JPH2: variants seen among roughly 807,000 people sequenced by gnomAD.
The protein encoded by JPH2 is junctophilin-2.
In JPH2, 38 loss-of-function variants were observed where a neutral mutation model predicts 55.9. The observed-to-expected ratio is 0.68, with a 90% CI of 0.52 to 0.89. The LOEUF (loss-of-function observed/expected upper bound fraction) is 0.89. JPH2 is among the 40% of genes least tolerant of loss of function. The pLI is 0.00. For synonymous variants in JPH2, 480 were observed against 472.4 expected, an observed-to-expected ratio of 1.02 and a Z score of -0.21; for missense variants, 964 against 1,037.6, an observed-to-expected ratio of 0.93 and a Z score of 0.97.
chr20:44,127,223 G>T (rs889648049), intron 2 of JPH2, among the ~76,000 whole-genome samples: 1 of 152,076 alleles, frequency 6.6e-6, no homozygotes, highest in Non-Finnish European at 1.5e-5. Flanking sequence ...TGGACATTAG[G>T]GTGCTTTCCA....
chr20:44,112,393 G>A lies in JPH2; in HGVS notation c.*1125C>T. 6.6e-6 allele frequency: 1 copy of A among 152,298 alleles called. No individual in the cohort carries two copies. The highest frequency in any genetic ancestry group is 1.5e-5 in the Non-Finnish European group (1 of 68,058). 9.4% of individuals were successfully genotyped at this position (152,298 alleles called of 1,614,324 possible). On this transcript the variant is annotated 3_prime_UTR_variant, in exon 6 of 6. Coordinates refer to ENST00000372980, the MANE Select transcript of JPH2 (RefSeq NM_020433.5). ...TGTGGTACAAAACATCTTTAAGTGAGGTACATCCAAGTAGCCATCTTCTAC... is the reference window on the plus strand; with the variant it reads ...TGTGGTACAAAACATCTTTAAGTGAAGTACATCCAAGTAGCCATCTTCTAC...
intron 1 of JPH2, among the ~76,000 whole-genome samples, chr20:44,172,832 A>G (rs1394461310): frequency 6.6e-6 from 1 of 152,192 alleles, no homozygotes; most frequent in African/African-American, 2.4e-5. Flanking sequence ...TCTATTGCAA[A>G]TGTGCCACAC....
intron 2 of JPH2, among the ~76,000 whole-genome samples, chr20:44,134,864 A>ATT (rs1491527321): frequency 1.8e-4 from 20 of 110,382 alleles, no homozygotes; most frequent in African/African-American, 6.1e-4. Flanking sequence ...ATATATATAT[A>ATT]AATATATATA....
Position 44,138,219 on chromosome 20 carries a change from G to T in JPH2, c.1170-19596C>A, listed in dbSNP as rs955174849. Among the ~76,000 whole-genome samples, 23 of 152,076 alleles carry T rather than the reference G, an allele frequency of 1.5e-4. 1 individual carries two copies. In the East Asian group the frequency reaches 3.9e-3, roughly 26 times the overall value. On this transcript the variant is annotated intron_variant, in intron 2 of 5. Coordinates refer to ENST00000372980, the MANE Select transcript of JPH2 (RefSeq NM_020433.5). ...GACGGGGTTTCACCATGTTGGCCAG[G>T]CTGGTCTCGAACTCCTGACCTCGTG...
chr20:44,170,727 A>C (rs2072691110), intron 1 of JPH2, among the ~76,000 whole-genome samples: 1 of 152,232 alleles, frequency 6.6e-6, no homozygotes, highest in African/African-American at 2.4e-5. Flanking sequence ...AGCAAAGAAT[A>C]ATGGAAATCA....
At chr20:44,116,447 G>C in intron 3 of JPH2, 61 bp from the exon 4 acceptor site, 1 of 1,531,624 alleles carries the variant, frequency 6.5e-7, no homozygotes. Context: ...GTGATCCTGG[G>C]CCAGCCACTT....
intron 2 of JPH2, among the ~76,000 whole-genome samples, chr20:44,123,071 C>T (rs144933774): frequency 6.6e-6 from 1 of 152,294 alleles, no homozygotes; most frequent in African/African-American, 2.4e-5. Context: ...CTGGGGGACC[C>T]ACTGTGCACA....
At chr20:44,147,638 CTTT>C (rs1337952441) in intron 2 of JPH2, among the ~76,000 whole-genome samples, 1 of 152,176 alleles carries the variant, frequency 6.6e-6, no homozygotes, top group Non-Finnish European at 1.5e-5. Context: ...GGATTTATTA[CTTT>C]TTTATTTTGT....
chr20:44,175,252 G>A (rs1340150449), intron 1 of JPH2, among the ~76,000 whole-genome samples: 3 of 152,266 alleles, frequency 2.0e-5, no homozygotes, highest in South Asian at 4.1e-4. Flanking sequence ...CACCTAGCAG[G>A]CACTCAATAA....
chr20:44,124,028 C>T (rs990959631), intron 2 of JPH2, among the ~76,000 whole-genome samples: 9 of 152,254 alleles, frequency 5.9e-5, no homozygotes, highest in Middle Eastern at 3.4e-3. Flanking sequence ...ATGGCTCTGA[C>T]CCTGCTTGGG....
chr20:44,182,299 C>T (rs971554137), intron 1 of JPH2, among the ~76,000 whole-genome samples: 1 of 152,114 alleles, frequency 6.6e-6, no homozygotes, highest in Non-Finnish European at 1.5e-5. Flanking sequence ...AGAGATTTTC[C>T]GAAGCAGTGG....
intron 2 of JPH2, among the ~76,000 whole-genome samples, chr20:44,146,389 CCT>C (rs2072494698): frequency 6.6e-6 from 1 of 152,114 alleles, no homozygotes; most frequent in African/African-American, 2.4e-5. Flanking sequence ...GGCAAGCTCC[CCT>C]CTCTGCCCAG....
Position 44,111,424 on chromosome 20 carries a change from A to C in JPH2, c.*2094T>G, listed in dbSNP as rs1336951121. Among the ~76,000 whole-genome samples the C allele has an allele frequency of 2.0e-5, 3 of 152,300 alleles. No individual in the cohort carries two copies. In the East Asian group the frequency reaches 5.8e-4, roughly 29 times the overall value. ...AAGAAAGTGGCTGGGCTAGCATTGG[A>C]GGCTGGGGGGACTCCACCTCAAAGG... On this transcript the variant is annotated 3_prime_UTR_variant, in exon 6 of 6. Transcript: ENST00000372980.
chr20:44,180,913 C>G (rs2072777000), intron 1 of JPH2, among the ~76,000 whole-genome samples: 1 of 152,004 alleles, frequency 6.6e-6, no homozygotes. Context: ...CCGCGAGTGT[C>G]TCGGTGGGAA....
At chr20:44,115,251 C>T (rs1386850350) in intron 4 of JPH2, among the ~76,000 whole-genome samples, 2 of 152,140 alleles carry the variant, frequency 1.3e-5, no homozygotes, top group Non-Finnish European at 1.5e-5. Flanking sequence ...GTCAGGAGGT[C>T]TATAACCCAA....
chr20:44,156,684 T>C (rs1220384184), intron 2 of JPH2, among the ~76,000 whole-genome samples: 2 of 152,162 alleles, frequency 1.3e-5, no homozygotes, highest in East Asian at 1.9e-4. Context: ...CTCACCATTT[T>C]ATAAGGGATT....
chr20:44,153,547 G>T (rs147456054), intron 2 of JPH2, among the ~76,000 whole-genome samples: 1 of 152,192 alleles, frequency 6.6e-6, no homozygotes, highest in African/African-American at 2.4e-5. Context: ...AGATGGAGGT[G>T]GGGGGCTGAG....
chr20:44,167,918 G>A (rs2072668928), intron 1 of JPH2, among the ~76,000 whole-genome samples: 1 of 152,212 alleles, frequency 6.6e-6, no homozygotes, highest in Non-Finnish European at 1.5e-5. Context: ...GGGGCTCAGA[G>A]TCTTGTGCCA....
intron 2 of JPH2, among the ~76,000 whole-genome samples, chr20:44,152,657 AC>A (rs1213847213): frequency 6.6e-6 from 1 of 152,220 alleles, no homozygotes; most frequent in Non-Finnish European, 1.5e-5. Context: ...CCTCCCTGAG[AC>A]CTGGTCCAGT....
Sources: gnomAD v4.1 joint callset for allele counts (sites outside exome capture counted in the v4.1 genomes callset) on GRCh38, gnomAD v4.1.1 for gene constraint, MANE v1.5 for transcripts, NCBI Gene and HGNC (gene_info 2026-07-23, HGNC 2026-07-21) for gene names.